The following ATG5 variants were observed in gnomAD, a reference collection of about 807,000 sequenced individuals.
ATG5 encodes autophagy related 5, also known as autophagy protein 5.
A neutral mutation model predicts 36.5 loss-of-function variants in ATG5; 14 were observed. That is an observed-to-expected ratio of 0.38 (90% CI 0.25 to 0.60). The LOEUF is 0.60. ATG5 is among the 20% of genes least tolerant of loss of function. The pLI is 0.60. For synonymous variants in ATG5, 95 were observed against 101.5 expected (o/e 0.94, Z 0.38); for missense variants, 195 against 326.7 (o/e 0.60, Z 3.11).
chr6:106,312,001 T>G (rs1365394279), intron 2 of ATG5, among the ~76,000 whole-genome samples: 1 of 152,082 alleles, frequency 6.6e-6, no homozygotes, highest in African/African-American at 2.4e-5. Context: ...GGGCTAATTT[T>G]TTGTATTTTT....
chr6:106,272,901 A>G (rs1779507032), intron 5 of ATG5, among the ~76,000 whole-genome samples: 1 of 152,222 alleles, frequency 6.6e-6, no homozygotes, highest in African/African-American at 2.4e-5. Flanking sequence ...AAGAAAGAAA[A>G]ATTTCCAAAA....
intron 3 of ATG5, among the ~76,000 whole-genome samples, chr6:106,308,043 GAAT>G (rs66469051): frequency 0.15 from 22,362 of 151,944 alleles, 1,954 homozygotes; most frequent in Non-Finnish European, 0.19. Flanking sequence ...AAATAAAATT[GAAT>G]AATGTCAAGA....
intron 1 of ATG5, among the ~76,000 whole-genome samples, chr6:106,318,402 T>C (rs964747257): frequency 1.3e-5 from 2 of 152,176 alleles, no homozygotes; most frequent in African/African-American, 2.4e-5. Flanking sequence ...GTAAAATGAA[T>C]GACCAATGCT....
chr6:106,202,776 C>T (rs1776480581), intron 6 of ATG5, among the ~76,000 whole-genome samples: 2 of 152,180 alleles, frequency 1.3e-5, no homozygotes, highest in Admixed American at 1.3e-4. Flanking sequence ...ATTCTCATGG[C>T]TCAGCCTCCC....
chr6:106,277,125 G>A (rs982254589), intron 5 of ATG5, among the ~76,000 whole-genome samples: 2 of 152,192 alleles, frequency 1.3e-5, no homozygotes, highest in Non-Finnish European at 2.9e-5. Flanking sequence ...ACTTGCTCTT[G>A]ATACCACAGA....
At chr6:106,221,628 G>A (rs781306268) in intron 6 of ATG5, among the ~76,000 whole-genome samples, 16 of 150,216 alleles carry the variant, frequency 1.1e-4, no homozygotes, top group Non-Finnish European at 1.8e-4. Flanking sequence ...CAAAGCTGCA[G>A]TGAGCTGAGA....
At chr6:106,293,156 C>T in intron 3 of ATG5, 50 bp from the exon 4 acceptor site, 2 of 1,466,932 alleles carry the variant, frequency 1.4e-6, no homozygotes, top group Non-Finnish European at 1.9e-6. Flanking sequence ...AAAGTTATAA[C>T]TACAAGGCCA....
chr6:106,297,595 T>C (rs191912906), intron 3 of ATG5, among the ~76,000 whole-genome samples: 35 of 152,238 alleles, frequency 2.3e-4, no homozygotes, highest in African/African-American at 8.2e-4. Flanking sequence ...CCTTTAAAAC[T>C]AGAAAAATAT....
intron 7 of ATG5, among the ~76,000 whole-genome samples, chr6:106,200,477 A>ATTT (rs5878872): frequency 6.9e-6 from 1 of 144,468 alleles, no homozygotes; most frequent in African/African-American, 2.5e-5. Context: ...CAACTCTGCA[A>ATTT]TTTTTTTTTT....
At chr6:106,223,568 T>G (rs1777332241) in intron 6 of ATG5, among the ~76,000 whole-genome samples, 1 of 152,156 alleles carries the variant, frequency 6.6e-6, no homozygotes, top group Non-Finnish European at 1.5e-5. Flanking sequence ...AAGTAGGAAA[T>G]ATGATTCAAG....
chr6:106,289,423 A>G (rs1363986678), intron 4 of ATG5, among the ~76,000 whole-genome samples: 1 of 152,200 alleles, frequency 6.6e-6, no homozygotes, highest in Non-Finnish European at 1.5e-5. Context: ...AATCTGGGCA[A>G]TAACTTTCCT....
intron 2 of ATG5, 44 bp from the exon 3 acceptor site, chr6:106,308,535 A>ATT (rs1322037802): frequency 2.2e-6 from 3 of 1,390,448 alleles, no homozygotes; most frequent in Non-Finnish European, 2.9e-6. Flanking sequence ...ACTAGTTATT[A>ATT]TTTTTAAAAA....
At chr6:106,266,913 CT>C (rs1779248332) in intron 5 of ATG5, among the ~76,000 whole-genome samples, 1 of 152,172 alleles carries the variant, frequency 6.6e-6, no homozygotes, top group Non-Finnish European at 1.5e-5. Flanking sequence ...TGGGCAAAAG[CT>C]GGAAGCATTC....
chr6:106,325,101 T>C (rs1460111721), intron 1 of ATG5, among the ~76,000 whole-genome samples: 2 of 152,358 alleles, frequency 1.3e-5, no homozygotes, highest in East Asian at 3.9e-4. Flanking sequence ...GCACTAAATA[T>C]TGTTATTGAG....
intron 3 of ATG5, among the ~76,000 whole-genome samples, chr6:106,293,957 C>A (rs949890354): frequency 5.3e-5 from 8 of 151,318 alleles, no homozygotes; most frequent in African/African-American, 9.7e-5. Flanking sequence ...AGAAGTGTTT[C>A]AGATTTCAGC....
intron 6 of ATG5, among the ~76,000 whole-genome samples, chr6:106,236,651 C>T (rs1469809239): frequency 6.6e-6 from 1 of 152,102 alleles, no homozygotes; most frequent in African/African-American, 2.4e-5. Flanking sequence ...AAATAGTTAA[C>T]TTAAATTTGT....
intron 4 of ATG5, among the ~76,000 whole-genome samples, chr6:106,292,140 G>C (rs1780332634): frequency 6.6e-6 from 1 of 152,194 alleles, no homozygotes; most frequent in Non-Finnish European, 1.5e-5. Context: ...GAGGTCAGGA[G>C]TTCAAGACCA....
chr6:106,242,947 T>C (rs1442421992), intron 6 of ATG5, among the ~76,000 whole-genome samples: 1 of 152,162 alleles, frequency 6.6e-6, no homozygotes, highest in Non-Finnish European at 1.5e-5. Context: ...ATGGCCATAA[T>C]TTGCCACATA....
chr6:106,301,515 C>T (rs936910042), intron 3 of ATG5, among the ~76,000 whole-genome samples: 2 of 152,076 alleles, frequency 1.3e-5, no homozygotes, highest in Admixed American at 6.5e-5. Context: ...ATTTGAGTCT[C>T]GGTTTTCCAA....
Sources: allele counts gnomAD v4.1 joint callset (sites outside exome capture counted in the v4.1 genomes callset), GRCh38; gene constraint gnomAD v4.1.1; transcripts MANE v1.5; gene names NCBI Gene and HGNC (gene_info 2026-07-23, HGNC 2026-07-21).